Variants in PSTPIP2 observed in about 807,000 individuals in gnomAD.
PSTPIP2 encodes the protein proline-serine-threonine phosphatase interacting protein 2.
PSTPIP2 carries 33 observed loss-of-function variants against 63.3 expected under a neutral mutation model. The ratio of observed to expected loss-of-function variants is 0.52; its 90% confidence interval spans 0.40 to 0.70. The LOEUF (loss-of-function observed/expected upper bound fraction) is 0.70, where lower values mean the gene tolerates loss of function less well. Among genes scored for constraint, PSTPIP2 ranks in the 30% least tolerant of loss-of-function variants. The pLI, the probability that PSTPIP2 is intolerant of heterozygous loss-of-function variation, is 0.00. For missense variants in PSTPIP2, 312 were observed against 400.7 expected (o/e 0.78, Z 1.89); for synonymous variants, 125 against 132.7 (o/e 0.94, Z 0.40).
intron 1 of PSTPIP2, among the ~76,000 whole-genome samples, chr18:46,070,722 G>A (rs1218687320): frequency 6.6e-6 from 1 of 151,838 alleles, no homozygotes; most frequent in Admixed American, 6.6e-5. Flanking sequence ...GTCTCACTAT[G>A]TTGCCCAGGG....
At chr18:46,005,571 T>G (rs769897412) in intron 5 of PSTPIP2, 40 bp from the exon 6 acceptor site, 2 of 1,393,112 alleles carry the variant, frequency 1.4e-6, no homozygotes, top group South Asian at 1.3e-5. Flanking sequence ...AAAACACAAA[T>G]CATTATTAAT....
intron 2 of PSTPIP2, among the ~76,000 whole-genome samples, chr18:46,031,775 C>T (rs988669817): frequency 6.6e-6 from 1 of 152,142 alleles, no homozygotes; most frequent in Non-Finnish European, 1.5e-5. Context: ...CAGTTTCTTT[C>T]TTGTAAGAGG....
chr18:46,043,014 G>A (rs1908246184), intron 1 of PSTPIP2, among the ~76,000 whole-genome samples: 1 of 151,994 alleles, frequency 6.6e-6, no homozygotes, highest in Admixed American at 6.6e-5. Flanking sequence ...GAGGTCTGTG[G>A]TTTTGGTTTG....
chr18:46,004,840 C>G (rs967765327), intron 6 of PSTPIP2, among the ~76,000 whole-genome samples: 2 of 152,094 alleles, frequency 1.3e-5, no homozygotes, highest in Admixed American at 6.5e-5. Context: ...ACCATTTGAC[C>G]CAGCAATCCC....
At chr18:45,989,411 T>C (rs917509837) in intron 13 of PSTPIP2, among the ~76,000 whole-genome samples, 1 of 152,188 alleles carries the variant, frequency 6.6e-6, no homozygotes, top group Non-Finnish European at 1.5e-5. Flanking sequence ...GCCACCACCA[T>C]GTAAGAAGTG....
intron 2 of PSTPIP2, chr18:46,029,452 C>T: frequency 7.8e-7 from 1 of 1,287,972 alleles, no homozygotes; most frequent in South Asian, 1.2e-5. Context: ...CAAGGAGGTG[C>T]CTTAACAGAT....
rs776317964 is a variant in PSTPIP2 at position 46,051,332 on chromosome 18, T to C, written c.34-11285A>G. On this transcript the variant is annotated intron_variant, in intron 1 of 14. Transcript: ENST00000409746. ...TCCTACTAAAAATACAAAAATTAGC[T>C]GGGTGCATGGTGGGCACCTGTAATC... Among the ~76,000 whole-genome samples, 7 of 152,156 alleles carry C rather than the reference T, an allele frequency of 4.6e-5. No individual in the cohort carries two copies. The East Asian group carries it at 1.4e-3, about 30-fold the overall frequency.
intron 1 of PSTPIP2, among the ~76,000 whole-genome samples, chr18:46,066,023 A>T (rs1376374865): frequency 1.3e-5 from 2 of 152,164 alleles, no homozygotes; most frequent in African/African-American, 4.8e-5. Flanking sequence ...ATATATTTTA[A>T]TAACCTTAAT....
At chr18:46,003,814 T>C (rs2051696258) in intron 6 of PSTPIP2, among the ~76,000 whole-genome samples, 1 of 148,006 alleles carries the variant, frequency 6.8e-6, no homozygotes, top group East Asian at 2.1e-4. Flanking sequence ...GAGTATGCAA[T>C]AGTGCGATCT....
chr18:45,986,719 AG>A (rs2144053203), intron 14 of PSTPIP2, among the ~76,000 whole-genome samples: 1 of 152,382 alleles, frequency 6.6e-6, no homozygotes, highest in South Asian at 2.1e-4. Context: ...ATATAGTTAA[AG>A]AACAGGGTAC....
At chr18:46,059,979 T>C (rs1282854879) in intron 1 of PSTPIP2, among the ~76,000 whole-genome samples, 3 of 152,168 alleles carry the variant, frequency 2.0e-5, no homozygotes, top group Non-Finnish European at 4.4e-5. Flanking sequence ...TGCAGTGAGC[T>C]GAGATTGCAC....
At chr18:45,989,013 T>C (rs1452217049) in intron 13 of PSTPIP2, among the ~76,000 whole-genome samples, 1 of 152,200 alleles carries the variant, frequency 6.6e-6, no homozygotes, top group Non-Finnish European at 1.5e-5. Flanking sequence ...AAATCATCTT[T>C]AAAAATGGAC....
At chr18:46,048,154 T>C (rs1908449000) in intron 1 of PSTPIP2, among the ~76,000 whole-genome samples, 1 of 152,080 alleles carries the variant, frequency 6.6e-6, no homozygotes, top group African/African-American at 2.4e-5. Flanking sequence ...AGGAGGGTCA[T>C]AGAGTCAGGA....
Position 46,070,518 on chromosome 18 carries a change from T to C in PSTPIP2, c.33+1638A>G, listed in dbSNP as rs1909355521. ...TGTTGTTTGGTTGGGTTTGTTTGTT[T>C]GTTCGTTTTTGAGACAAACACAAAT... On this transcript the variant is annotated intron_variant, in intron 1 of 14. Transcript: ENST00000409746. Among the ~76,000 whole-genome samples the C allele has an allele frequency of 2.0e-5, 3 of 152,230 alleles. No individual in the cohort carries two copies. The South Asian group carries it at 6.2e-4, about 32-fold the overall frequency.
At chr18:46,009,089 C>T (rs1415796623) in intron 5 of PSTPIP2, among the ~76,000 whole-genome samples, 1 of 152,136 alleles carries the variant, frequency 6.6e-6, no homozygotes, top group African/African-American at 2.4e-5. Context: ...CTATCTGGCC[C>T]TGCTCTCATG....
At chr18:45,998,639 T>TCCTC (rs2051629717) in intron 8 of PSTPIP2, among the ~76,000 whole-genome samples, 155 bp downstream of exon 8, 1 of 151,814 alleles carries the variant, frequency 6.6e-6, no homozygotes, top group South Asian at 2.1e-4. Context: ...CTCCCTTCCT[T>TCCTC]CCTCCCTTTT....
At chr18:45,995,689 T>C (rs1473115012) in intron 9 of PSTPIP2, among the ~76,000 whole-genome samples, 1 of 152,200 alleles carries the variant, frequency 6.6e-6, no homozygotes, top group African/African-American at 2.4e-5. Flanking sequence ...AAATCCCAGA[T>C]GCTGCAGGCT....
chr18:46,057,161 C>A (rs965368011), intron 1 of PSTPIP2, among the ~76,000 whole-genome samples: 4 of 152,110 alleles, frequency 2.6e-5, no homozygotes, highest in African/African-American at 9.7e-5. Context: ...ACGTGCAAGG[C>A]AAGTGCCTCA....
At chr18:46,041,734 C>A (rs550663437) in intron 1 of PSTPIP2, among the ~76,000 whole-genome samples, 15 of 152,128 alleles carry the variant, frequency 9.9e-5, no homozygotes, top group Non-Finnish European at 1.9e-4. Flanking sequence ...TGGTTCCCTC[C>A]TTTCTACCCC....
Sources: allele counts gnomAD v4.1 joint callset (sites outside exome capture counted in the v4.1 genomes callset), GRCh38; gene constraint gnomAD v4.1.1; transcripts MANE v1.5; gene names NCBI Gene and HGNC (gene_info 2026-07-23, HGNC 2026-07-21).